USP13: variants seen among roughly 807,000 people sequenced by gnomAD.
USP13 encodes the protein ubiquitin carboxyl-terminal hydrolase 13.
Under a neutral mutation model 107.8 loss-of-function variants are expected in USP13, and 68 were observed. That is an observed-to-expected ratio of 0.63 (90% CI 0.52 to 0.77). The LOEUF (loss-of-function observed/expected upper bound fraction) is 0.77, where lower values mean the gene tolerates loss of function less well. Among genes scored for constraint, USP13 ranks in the 30% least tolerant of loss-of-function variants. The pLI is 0.00. For missense variants in USP13, 945 were observed against 1,093.3 expected (o/e 0.86, Z 1.91); for synonymous variants, 377 against 389.5 (o/e 0.97, Z 0.38).
At chr3:179,669,162 T>C (rs993284743) in intron 1 of USP13, among the ~76,000 whole-genome samples, 2 of 152,144 alleles carry the variant, frequency 1.3e-5, no homozygotes, top group African/African-American at 4.8e-5. Flanking sequence ...GTGCGCTCTA[T>C]CCTAAAATTA....
At chr3:179,701,259 A>G (rs1268760965) in intron 4 of USP13, 130 bp downstream of exon 4, 1 of 1,231,678 alleles carries the variant, frequency 8.1e-7, no homozygotes, top group Non-Finnish European at 1.1e-6. Flanking sequence ...AGAGGATGAA[A>G]ATGAGCATGA....
At position 179,763,886 on chromosome 3, in the gene USP13, C is replaced by T. The variant is rs868451715; in HGVS notation, c.2093-116C>T. On this transcript the variant is annotated intron_variant, in intron 17 of 20. Transcript: ENST00000263966. ...CAGGCATGAGCCACTGCGCCTGGCC[C>T]AGACTGTCTTGATTATTATAACTTT... is the stretch of plus-strand genomic sequence containing the variant. The T allele has an allele frequency of 8.0e-5, 109 of 1,358,952 alleles. No individual in the cohort carries two copies. The East Asian group carries it at 2.2e-3, about 27-fold the overall frequency. 84.2% of individuals were successfully genotyped at this position (1,358,952 alleles called of 1,614,324 possible). A position where few individuals can be genotyped will look rare whatever the true frequency, so the allele number is the denominator to read the frequency against.
At position 179,781,680 on chromosome 3, in the gene USP13, A is replaced by G. The variant is rs1486502730; in HGVS notation, c.2414-59A>G. ...CTATGGTTGGTTTTAAATTCTAACC[A>G]GAAGTGCTCTTCATTCTGGAAATGC... On this transcript the variant is annotated intron_variant, in intron 19 of 20. Transcript: ENST00000263966. 2.7e-6 allele frequency: 4 copies of G among 1,484,196 alleles called. No individual in the cohort carries two copies. The Admixed American group carries it at 5.1e-5, about 19-fold the overall frequency. 91.9% of individuals were successfully genotyped at this position (1,484,196 alleles called of 1,614,324 possible). A position where few individuals can be genotyped will look rare whatever the true frequency, so the allele number is the denominator to read the frequency against.
chr3:179,690,857 C>T (rs781425790), intron 3 of USP13, among the ~76,000 whole-genome samples: 8 of 152,184 alleles, frequency 5.3e-5, no homozygotes, highest in Non-Finnish European at 8.8e-5. Context: ...CCACTGCACC[C>T]GGCCAATTTT....
intron 4 of USP13, among the ~76,000 whole-genome samples, chr3:179,706,589 G>A (rs1011733185): frequency 3.3e-5 from 5 of 152,158 alleles, no homozygotes; most frequent in African/African-American, 1.2e-4. Flanking sequence ...TAAATCCTGG[G>A]CATTCCTGTA....
intron 19 of USP13, 136 bp downstream of exon 19, chr3:179,765,984 T>C: frequency 9.4e-7 from 1 of 1,060,834 alleles, no homozygotes; most frequent in South Asian, 2.0e-5. Flanking sequence ...TTCGTTTTTT[T>C]TTTTTTTCTT....
intron 13 of USP13, among the ~76,000 whole-genome samples, chr3:179,748,156 T>A (rs1714475807): frequency 6.6e-6 from 1 of 152,238 alleles, no homozygotes; most frequent in Non-Finnish European, 1.5e-5. Context: ...TTTCTCATTT[T>A]ATGAAGGAAG....
chr3:179,760,620 T>C (rs1321862211), intron 16 of USP13, among the ~76,000 whole-genome samples: 3 of 152,148 alleles, frequency 2.0e-5, no homozygotes, highest in African/African-American at 4.8e-5. Flanking sequence ...AAAAACGAAC[T>C]TTTTCCTTCT....
intron 6 of USP13, among the ~76,000 whole-genome samples, chr3:179,713,185 A>C (rs1237757732): frequency 6.6e-6 from 1 of 152,230 alleles, no homozygotes; most frequent in Non-Finnish European, 1.5e-5. Context: ...AACATTTGGC[A>C]ACAGCAATGC....
rs561395492 is a variant in USP13, at chr3:179,780,037, TG to T, written c.2414-1701del. Among the ~76,000 whole-genome samples, 19 of 152,306 alleles carry T rather than the reference TG, an allele frequency of 1.2e-4. No individual in the cohort carries two copies. In the East Asian group the frequency reaches 3.5e-3, roughly 28 times the overall value. On this transcript the variant is annotated intron_variant, in intron 19 of 20. Coordinates refer to ENST00000263966, the MANE Select transcript of USP13 (RefSeq NM_003940.3). ...TGCCATTGACTGAGATAGATAAGGC[TG>T]AGTGGAGAATGATCAGCAAACTAGG...
chr3:179,655,419 A>C (rs1204050324), intron 1 of USP13, among the ~76,000 whole-genome samples: 1 of 152,122 alleles, frequency 6.6e-6, no homozygotes, highest in Non-Finnish European at 1.5e-5. Flanking sequence ...ATATCACAGC[A>C]GTTCCTTAGG....
intron 16 of USP13, among the ~76,000 whole-genome samples, chr3:179,759,668 A>G (rs1714936147): frequency 6.6e-6 from 1 of 152,056 alleles, no homozygotes; most frequent in Admixed American, 6.5e-5. Flanking sequence ...GTAAGAGAGC[A>G]CTTTGGTAAA....
chr3:179,697,928 T>C (rs2108471345), intron 3 of USP13, among the ~76,000 whole-genome samples: 1 of 152,362 alleles, frequency 6.6e-6, no homozygotes, highest in East Asian at 1.9e-4. Flanking sequence ...AGTTCTGCTT[T>C]TCTGCATGAC....
At position 179,721,420 on chromosome 3, in the gene USP13, G is replaced by C; in HGVS notation, c.919G>C (p.Asp307His). 1.2e-6 allele frequency: 2 copies of C among 1,614,082 alleles called. No individual in the cohort carries two copies. The highest frequency in any genetic ancestry group is 8.5e-7 in the Non-Finnish European group (1 of 1,179,994). Reference protein sequence around the residue: ...HMHGTENGLQDNDIKLRVSEW... With the variant: ...HMHGTENGLQHNDIKLRVSEW... ...GTCTCAGACAGAGAATGGGCTCCAG[G>C]ACAATGACATCAAGCTGAGGGTCAG... The change falls in exon 8 of 21, where the codon GAC (aspartate) becomes CAC (histidine). Residue 307 changes from aspartate to histidine, a missense_variant. Asp to His is a moderately conservative substitution (Grantham distance 81). Transcript: ENST00000263966. The surrounding 1 kb of genome is among the most constrained non-coding windows in gnomAD (Gnocchi z 4.3).
rs368595033 is a variant in USP13, at chr3:179,674,051, G to A, written c.169-7827G>A. The stretch of plus-strand genomic sequence containing the variant: ...TGGGATTACAGGCATGTGCCACTAC[G>A]CCCGGCTAATTTTGTATTTTTAGTA... On this transcript the variant is annotated intron_variant, in intron 1 of 20. Transcript: ENST00000263966. 2.6e-5 allele frequency among the ~76,000 whole-genome samples: 4 copies of A among 152,212 alleles called. No individual in the cohort carries two copies. The South Asian group carries it at 6.2e-4, about 24-fold the overall frequency.
Position 179,752,267 on chromosome 3 carries a change from TC to T in USP13, c.1710-14del. 1 of 1,605,260 alleles carries T rather than the reference TC, an allele frequency of 6.2e-7. No individual in the cohort carries two copies. ...CTTATTGCCTTGTTTCATTGATATA[TC>T]CCCTTGTGTTTCCCAGAACATCTCG... On this transcript the variant is annotated splice_polypyrimidine_tract_variant and intron_variant, in intron 13 of 20. Coordinates refer to ENST00000263966, the MANE Select transcript of USP13 (RefSeq NM_003940.3).
intron 1 of USP13, among the ~76,000 whole-genome samples, chr3:179,676,880 T>G (rs371328686): frequency 1.3e-5 from 2 of 152,078 alleles, no homozygotes; most frequent in East Asian, 3.9e-4. Context: ...TGTTGATGTT[T>G]TTTTTCCTCG....
chr3:179,728,147 C>G (rs1713623822), intron 8 of USP13, among the ~76,000 whole-genome samples: 1 of 132,620 alleles, frequency 7.5e-6, no homozygotes, highest in African/African-American at 2.7e-5. Flanking sequence ...GTAGGGGCGG[C>G]CGGGCAGAGG....
Position 179,704,736 on chromosome 3 carries a change from ACAACAG to A in USP13, c.478-2195_478-2190del, listed in dbSNP as rs1712653869. Among the ~76,000 whole-genome samples, 5 of 152,202 alleles carry A rather than the reference ACAACAG, an allele frequency of 3.3e-5. No homozygotes were observed. The South Asian group carries it at 1.0e-3, about 32-fold the overall frequency. On this transcript the variant is annotated intron_variant, in intron 4 of 20. Transcript: ENST00000263966. ...AAAATGGAAAGAAAAAGCTAATTAT[ACAACAG>A]CATTTGTAGTGGGAGATAAATGGGC... is the stretch of plus-strand genomic sequence containing the variant.
Sources: allele counts gnomAD v4.1 joint callset (sites outside exome capture counted in the v4.1 genomes callset), GRCh38; gene constraint gnomAD v4.1.1; non-coding constraint Gnocchi (gnomAD v3.1); transcripts MANE v1.5; gene names NCBI Gene and HGNC (gene_info 2026-07-23, HGNC 2026-07-21).